INTS3: variants seen among roughly 807,000 people sequenced by gnomAD.
INTS3 encodes the protein SOSS complex subunit A.
INTS3 carries 34 observed loss-of-function variants against 146.3 expected under a neutral mutation model. The observed-to-expected ratio is 0.23, with a 90% CI of 0.18 to 0.31. INTS3 has a LOEUF of 0.31. Ranked by LOEUF, INTS3 falls within the 10% of genes least tolerant of loss-of-function variation. The pLI is 1.00. For missense variants in INTS3, 757 were observed against 1,304.2 expected (o/e 0.58, Z 6.46); for synonymous variants, 475 against 494.9 (o/e 0.96, Z 0.53).
At position 153,753,230 on chromosome 1, in the gene INTS3, T is replaced by G. The variant is rs538897000; in HGVS notation, c.859+822T>G. ...TCATTTAATCTTCTGGACAGCCCTG[T>G]GAGTATTTTAGTTTCTACATTTATA... On this transcript the variant is annotated intron_variant, in intron 8 of 29. Transcript: ENST00000318967. Among the ~76,000 whole-genome samples, 8 of 152,210 alleles carry G rather than the reference T, an allele frequency of 5.3e-5. No homozygotes were observed. In the South Asian group the frequency reaches 1.7e-3, roughly 32 times the overall value.
At chr1:153,744,856 C>T (rs1029619511) in intron 3 of INTS3, among the ~76,000 whole-genome samples, 3 of 152,044 alleles carry the variant, frequency 2.0e-5, no homozygotes, top group Non-Finnish European at 4.4e-5. Context: ...ACCGCTATTC[C>T]CAGCAGCCTC....
chr1:153,764,624 CT>C, intron 18 of INTS3, 65 bp from the exon 19 acceptor site: 1 of 1,192,778 alleles, frequency 8.4e-7, no homozygotes, highest in Non-Finnish European at 1.3e-6. Flanking sequence ...TAGCCTCCAG[CT>C]GGTCCTCCGT....
rs1671946849 is a variant in INTS3 at position 153,751,234 on chromosome 1, G to C, written c.724G>C (p.Glu242Gln). The C allele has an allele frequency of 1.2e-6, 2 of 1,614,010 alleles. No individual in the cohort carries two copies. The highest frequency in any genetic ancestry group is 1.7e-6 in the Non-Finnish European group (2 of 1,179,988). Residue 242 changes from glutamate to glutamine, a missense_variant, in exon 7 of 30, where the codon GAA (glutamate) becomes CAA (glutamine). Transcript: ENST00000318967. ...AGACTTCTGCATCTCACTGCTTCGG[G>C]AACGGGTGAGGGAACAGGACAAAAA... is the stretch of plus-strand genomic sequence containing the variant. ...EVDFCISLLR[E>Q]RFMECLMIGR...
At chr1:153,767,133 T>G (rs1366990784) in intron 20 of INTS3, 1 of 152,366 alleles carries the variant, frequency 6.6e-6, no homozygotes, top group African/African-American at 2.4e-5. Flanking sequence ...GTTTTAACTT[T>G]TTTGATAGCA....
chr1:153,744,847 C>T (rs1307162326), intron 3 of INTS3, among the ~76,000 whole-genome samples: 2 of 152,112 alleles, frequency 1.3e-5, no homozygotes, highest in Non-Finnish European at 2.9e-5. Flanking sequence ...CAAACTCATA[C>T]CGCTATTCCC....
chr1:153,752,241 T>C, intron 7 of INTS3, 38 bp from the exon 8 acceptor site: 1 of 1,604,918 alleles, frequency 6.2e-7, no homozygotes, highest in Non-Finnish European at 8.5e-7. Flanking sequence ...CATGTTTTTA[T>C]TCTCTTTCCT....
intron 11 of INTS3, 192 bp downstream of exon 11, chr1:153,759,805 T>C: frequency 1.7e-6 from 1 of 593,364 alleles, no homozygotes; most frequent in Non-Finnish European, 3.0e-6. Context: ...AAGCCATCAC[T>C]GTACCTCCTC....
Position 153,764,933 on chromosome 1 carries a change from C to T in INTS3, c.1971-11C>T, listed in dbSNP as rs1332492040. 6.2e-7 allele frequency: 1 copy of T among 1,613,938 alleles called. No individual in the cohort carries two copies. Among genetic ancestry groups the T allele is most frequent in the East Asian group, 2.2e-5 (1 of 44,886 alleles). On this transcript the variant is annotated splice_polypyrimidine_tract_variant and intron_variant, in intron 19 of 29. Coordinates refer to ENST00000318967, the MANE Select transcript of INTS3 (RefSeq NM_023015.5). ...AAGTTCTGTTCCTCTCCTCCCATGC[C>T]CCACCTCCAGGAACCTATGTCAGAT...
At chr1:153,732,794 A>C (rs1283352022) in intron 1 of INTS3, among the ~76,000 whole-genome samples, 1 of 146,700 alleles carries the variant, frequency 6.8e-6, no homozygotes, top group Non-Finnish European at 1.5e-5. Flanking sequence ...TTTTCTGAAA[A>C]TGAGGAATTT....
chr1:153,770,872 A>G, intron 25 of INTS3, 139 bp downstream of exon 25: 1 of 705,370 alleles, frequency 1.4e-6, no homozygotes, highest in Non-Finnish European at 2.5e-6. Context: ...CCTTCCCCCA[A>G]CGTGACTTAC....
intron 20 of INTS3, among the ~76,000 whole-genome samples, chr1:153,765,754 GA>G (rs1414354884): frequency 6.6e-6 from 1 of 151,886 alleles, no homozygotes; most frequent in African/African-American, 2.4e-5. Context: ...ATTTTTAGTA[GA>G]GACAGGGTTT....
At chr1:153,737,194 T>G (rs1028941613) in intron 1 of INTS3, among the ~76,000 whole-genome samples, 2 of 152,354 alleles carry the variant, frequency 1.3e-5, no homozygotes, top group East Asian at 1.9e-4. Flanking sequence ...AAACCAGCCT[T>G]CCTTTGTCCT....
intron 8 of INTS3, among the ~76,000 whole-genome samples, chr1:153,752,697 C>G (rs1672004028): frequency 6.6e-6 from 1 of 152,172 alleles, no homozygotes; most frequent in Admixed American, 6.5e-5. Flanking sequence ...CTGGCAGCTC[C>G]TTGGCTCAGG....
At chr1:153,734,318 G>T (rs1671205297) in intron 1 of INTS3, among the ~76,000 whole-genome samples, 1 of 152,112 alleles carries the variant, frequency 6.6e-6, no homozygotes, top group African/African-American at 2.4e-5. Flanking sequence ...GAAGGGACAT[G>T]GTCCTTTGTC....
intron 1 of INTS3, among the ~76,000 whole-genome samples, chr1:153,735,449 A>G (rs1231477685): frequency 6.6e-6 from 1 of 152,056 alleles, no homozygotes; most frequent in Non-Finnish European, 1.5e-5. Flanking sequence ...GGTTCTTTCT[A>G]TGTTATGCTT....
At chr1:153,748,970 G>C (rs1671856734) in intron 6 of INTS3, among the ~76,000 whole-genome samples, 1 of 152,094 alleles carries the variant, frequency 6.6e-6, no homozygotes, top group Non-Finnish European at 1.5e-5. Flanking sequence ...CCAAAATATC[G>C]CATAGCCCAG....
At chr1:153,733,682 G>C (rs986857825) in intron 1 of INTS3, among the ~76,000 whole-genome samples, 1 of 151,636 alleles carries the variant, frequency 6.6e-6, no homozygotes, top group Non-Finnish European at 1.5e-5. Flanking sequence ...ACAGCTCCCT[G>C]CAACCTTCGC....
chr1:153,732,778 T>C (rs1036808025), intron 1 of INTS3, among the ~76,000 whole-genome samples: 1 of 151,160 alleles, frequency 6.6e-6, no homozygotes, highest in Non-Finnish European at 1.5e-5. Context: ...TTAGATTGTA[T>C]ATTCCTTTTC....
At chr1:153,734,651 A>G (rs1048541465) in intron 1 of INTS3, among the ~76,000 whole-genome samples, 1 of 152,200 alleles carries the variant, frequency 6.6e-6, no homozygotes, top group African/African-American at 2.4e-5. Context: ...AAGGTCTCTC[A>G]GCAATAGATC....
Sources: gnomAD v4.1 joint callset for allele counts (sites outside exome capture counted in the v4.1 genomes callset) on GRCh38, gnomAD v4.1.1 for gene constraint, MANE v1.5 for transcripts, NCBI Gene and HGNC (gene_info 2026-07-23, HGNC 2026-07-21) for gene names.